Variants in DLG3 observed in about 807,000 individuals in gnomAD.
DLG3 encodes discs large MAGUK scaffold protein 3.
A neutral mutation model predicts 64.1 loss-of-function variants in DLG3; 1 was observed. The ratio of observed to expected loss-of-function variants is 0.02; its 90% CI spans 0.01 to 0.07. The LOEUF (loss-of-function observed/expected upper bound fraction) is 0.07. DLG3 is among the 10% of genes least tolerant of loss of function. The probability of loss-of-function intolerance (pLI) is 1.00; values close to 1 mark genes in which losing one functional copy is unlikely to be tolerated. For synonymous variants in DLG3, 245 were observed against 259.8 expected (o/e 0.94, Z 0.55); for missense variants, 429 against 669.5 (o/e 0.64, Z 3.96).
chrX:70,450,483 T>C (rs1391902856), intron 5 of DLG3, 156 bp from the exon 6 acceptor site: 14 of 907,575 alleles, frequency 1.5e-5, no homozygotes, highest in Non-Finnish European at 2.2e-5. Context: ...GGCCAGGGTC[T>C]TGCCCTATCC....
chrX:70,453,425 G>A (rs1255089848), intron 7 of DLG3: 12 of 462,829 alleles, frequency 2.6e-5, no homozygotes, highest in Admixed American at 2.1e-4. Flanking sequence ...GCAAGCCCTC[G>A]GGAAGAAGGG....
chrX:70,489,156 C>T (rs1353487193), intron 10 of DLG3, among the ~76,000 whole-genome samples: 1 of 112,037 alleles, frequency 8.9e-6, no homozygotes, highest in Non-Finnish European at 1.9e-5. Context: ...GGAACACATG[C>T]TGTGGTTAAA....
At chrX:70,453,577 C>G in intron 7 of DLG3, 60 bp from the exon 8 acceptor site, 1 of 1,190,568 alleles carries the variant, frequency 8.4e-7, no homozygotes, top group Non-Finnish European at 1.1e-6. Flanking sequence ...CCAGGCTGGC[C>G]CTCAAAGGAC....
intron 9 of DLG3, among the ~76,000 whole-genome samples, chrX:70,474,474 A>G (rs1292379202): frequency 9.0e-6 from 1 of 111,023 alleles, no homozygotes; most frequent in Non-Finnish European, 1.9e-5. Flanking sequence ...TATGCAGGGA[A>G]AAGGGGGTGT....
chrX:70,449,023 G>A, intron 2 of DLG3, 60 bp downstream of exon 2: 2 of 1,144,890 alleles, frequency 1.7e-6, no homozygotes, highest in South Asian at 1.9e-5. Context: ...CAGGATAAGG[G>A]AGACCCCTGA....
At chrX:70,483,264 A>G (rs1454782615) in intron 10 of DLG3, among the ~76,000 whole-genome samples, 2 of 112,467 alleles carry the variant, frequency 1.8e-5, no homozygotes, top group African/African-American at 6.5e-5. Flanking sequence ...GTCCTGGGTA[A>G]CAGAGCAAGA....
rs370490395 is a variant in DLG3, at chrX:70,478,883, C to T, written c.1406-267C>T. On this transcript the variant is annotated intron_variant, in intron 9 of 18. Transcript: ENST00000374360. Reference sequence around the variant, plus strand: ...ATAAAGGATCAGTGACATTTTGAGGCAGATAAGAGCTTTGTGCATTTGACC... The same window carrying T: ...ATAAAGGATCAGTGACATTTTGAGGTAGATAAGAGCTTTGTGCATTTGACC... Among the ~76,000 whole-genome samples, 5 of 111,820 alleles carry T rather than the reference C, an allele frequency of 4.5e-5. No homozygotes were observed. The East Asian group carries it at 8.4e-4, about 19-fold the overall frequency.
At chrX:70,456,873 C>G (rs767860957) in intron 9 of DLG3, among the ~76,000 whole-genome samples, 7 of 111,195 alleles carry the variant, frequency 6.3e-5, no homozygotes, top group Non-Finnish European at 1.1e-4. Flanking sequence ...AATAAGGACT[C>G]CATGTTGATC....
At position 70,445,178 on chromosome X, in the gene DLG3, G is replaced by T. The variant is rs1189687376; in HGVS notation, c.-24G>T. ...CGTGGAATCCGGCGTGGGCTGGGGG[G>T]TCCGAGCCGCGGGGGGCAGTGCCAT... On this transcript the variant is annotated 5_prime_UTR_variant, in exon 1 of 19. Transcript: ENST00000374360. 3.6e-6 allele frequency: 4 copies of T among 1,121,880 alleles called. No individual in the cohort carries two copies. Among genetic ancestry groups the T allele is most frequent in the South Asian group, 3.9e-5 (2 of 51,936 alleles). The allele number at this position is 1,121,880 out of a possible 1,213,427, so 92.5% of individuals were successfully genotyped here. A position where few individuals can be genotyped will look rare whatever the true frequency, so the allele number is the denominator to read the frequency against.
At chrX:70,493,584 C>A (rs994454672) in intron 12 of DLG3, 10 of 659,960 alleles carry the variant, frequency 1.5e-5, no homozygotes, top group Non-Finnish European at 2.4e-5. Context: ...TGGCCTCGTG[C>A]CTGCCTGTGT....
Position 70,502,854 on chromosome X carries a change from C to T in DLG3, c.*585C>T, listed in dbSNP as rs2087590351. The stretch of plus-strand genomic sequence containing the variant: ...CATATAATATATATATATTCACACA[C>T]ATTTGGGTTAGAAAATCTATGGAGA... On this transcript the variant is annotated 3_prime_UTR_variant, in exon 19 of 19. Coordinates refer to ENST00000374360, the MANE Select transcript of DLG3 (RefSeq NM_021120.4). The T allele has an allele frequency of 9.2e-6, 1 of 108,917 alleles. No individual in the cohort carries two copies. The highest frequency in any genetic ancestry group is 3.9e-4 in the South Asian group (1 of 2,555). The allele number at this position is 108,917 out of a possible 1,213,427, so 9.0% of individuals were successfully genotyped here.
At chrX:70,493,862 T>C (rs1434073523) in intron 12 of DLG3, among the ~76,000 whole-genome samples, 1 of 112,504 alleles carries the variant, frequency 8.9e-6, no homozygotes. Context: ...AGGGACTCAG[T>C]GTTGCTCTCC....
chrX:70,448,818 T>G (rs903714108), intron 1 of DLG3, 95 bp from the exon 2 acceptor site: 4 of 1,091,735 alleles, frequency 3.7e-6, no homozygotes, highest in Admixed American at 2.6e-5. Context: ...TGGGCTCTTC[T>G]ACTCTGTGGG....
rs199826501 is a variant in DLG3, at chrX:70,495,360, C to G, written c.1774-48C>G. On this transcript the variant is annotated intron_variant, in intron 12 of 18. Coordinates refer to ENST00000374360, the MANE Select transcript of DLG3 (RefSeq NM_021120.4). Reference sequence around the variant, plus strand: ...CCCTCCCATCCCTTCCCCTTCCCCCCTCTTCTCCCCGTCGTCCTCTCTCCG... The same window carrying G: ...CCCTCCCATCCCTTCCCCTTCCCCCGTCTTCTCCCCGTCGTCCTCTCTCCG... 3.9e-5 allele frequency: 45 copies of G among 1,154,485 alleles called. 1 individual carries two copies. Among genetic ancestry groups the G allele is most frequent in the South Asian group, 2.7e-4 (15 of 55,459 alleles).
chrX:70,453,139 C>G (rs1006153264), intron 7 of DLG3: 3 of 166,385 alleles, frequency 1.8e-5, no homozygotes, highest in African/African-American at 9.2e-5. Context: ...TAGGAGGGGT[C>G]ATAGTTGATG....
At chrX:70,494,451 G>T (rs2087416236) in intron 12 of DLG3, among the ~76,000 whole-genome samples, 1 of 112,014 alleles carries the variant, frequency 8.9e-6, no homozygotes, top group African/African-American at 3.2e-5. Context: ...AGGCCAGCTT[G>T]GTCCACAGTC....
In DLG3 at chrX:70,449,762, G is replaced by A. The variant is rs747897416; in HGVS notation, c.606G>A (p.Ala202=). 1.2e-5 allele frequency: 15 copies of A among 1,207,872 alleles called. No homozygotes were observed. The highest frequency in any genetic ancestry group is 1.7e-5 in the African/African-American group (1 of 57,256). ...TGGTACACAGCCGGGCGGTGGAGGC[G>A]CTGAAGGAGGCAGGCCCTGTGGTGC... is the stretch of plus-strand genomic sequence containing the variant. ...SEVVHSRAVE[A]LKEAGPVVRL... Residue 202 remains alanine (A), a synonymous_variant, in exon 4 of 19, where the codon GCG becomes GCA. Transcript: ENST00000374360.
chrX:70,502,071 G>A (rs1328125780), intron 18 of DLG3, 92 bp from the exon 19 acceptor site: 13 of 665,075 alleles, frequency 2.0e-5, no homozygotes, highest in South Asian at 1.2e-4. Flanking sequence ...GTGGAGGGGG[G>A]ACTTGTAGGA....
chrX:70,445,423 G>A lies in DLG3; in HGVS notation c.222G>A (p.Lys74=), dbSNP rs1420540953. ...GATPTPRTKA[K]LIPTGRDVGP... Reference sequence around the variant, plus strand: ...CCCCCACCCCTCGCACCAAGGCCAAGCTCATCCCCACCGGCCGGGATGTGG... The same window carrying A: ...CCCCCACCCCTCGCACCAAGGCCAAACTCATCCCCACCGGCCGGGATGTGG... Residue 74 remains lysine, a synonymous_variant, in exon 1 of 19, where the codon AAG becomes AAA. Transcript: ENST00000374360. 1 of 1,195,520 alleles carries A rather than the reference G, an allele frequency of 8.4e-7. No individual in the cohort carries two copies. The highest frequency in any genetic ancestry group is 2.2e-5 in the Admixed American group (1 of 44,584).
Sources: allele counts gnomAD v4.1 joint callset (sites outside exome capture counted in the v4.1 genomes callset), GRCh38; gene constraint gnomAD v4.1.1; transcripts MANE v1.5; gene names NCBI Gene and HGNC (gene_info 2026-07-23, HGNC 2026-07-21).